Variants in IQGAP2 observed in about 807,000 individuals in gnomAD.
The protein encoded by IQGAP2 is IQ motif containing GTPase activating protein 2.
IQGAP2 carries 173 observed loss-of-function variants against 201.3 expected under a neutral mutation model. That is an observed-to-expected ratio of 0.86 (90% CI 0.76 to 0.98). The LOEUF (loss-of-function observed/expected upper bound fraction) is 0.98. IQGAP2 is among the 50% of genes least tolerant of loss of function. The probability of loss-of-function intolerance (pLI) is 0.00; values close to 1 mark genes in which losing one functional copy is unlikely to be tolerated. For missense variants in IQGAP2, 1,687 were observed against 1,864.8 expected, an observed-to-expected ratio of 0.90 and a Z score of 1.76; for synonymous variants, 675 against 673.9, an observed-to-expected ratio of 1.00 and a Z score of -0.03.
At position 76,665,321 on chromosome 5, in the gene IQGAP2, C is replaced by T; in HGVS notation, c.2679+146C>T. On this transcript the variant is annotated intron_variant, in intron 22 of 35. Transcript: ENST00000274364. ...TAAGTACCAAGTGCTGTTGTTGGTGCTTTACATACATTATCTCATTTAATT... is the reference window on the plus strand; with the variant it reads ...TAAGTACCAAGTGCTGTTGTTGGTGTTTTACATACATTATCTCATTTAATT... The T allele has an allele frequency of 4.4e-6, 3 of 676,382 alleles. No individual in the cohort carries two copies. In the East Asian group the frequency reaches 8.1e-5, roughly 18 times the overall value. 41.9% of individuals were successfully genotyped at this position (676,382 alleles called of 1,614,324 possible). A position where few individuals can be genotyped will look rare whatever the true frequency, so the allele number is the denominator to read the frequency against.
intron 12 of IQGAP2, among the ~76,000 whole-genome samples, chr5:76,609,674 A>G (rs1291828487): frequency 1.3e-5 from 2 of 152,174 alleles, no homozygotes; most frequent in Non-Finnish European, 2.9e-5. Flanking sequence ...TTTTAGATTA[A>G]ATCTAATGGA....
intron 17 of IQGAP2, among the ~76,000 whole-genome samples, chr5:76,652,285 A>G (rs1752577853): frequency 6.6e-6 from 1 of 152,346 alleles, no homozygotes; most frequent in Non-Finnish European, 1.5e-5. Context: ...TCAGGGCCAC[A>G]AGTTGGTAGA....
At chr5:76,470,358 A>G (rs890814592) in intron 2 of IQGAP2, among the ~76,000 whole-genome samples, 1 of 152,142 alleles carries the variant, frequency 6.6e-6, no homozygotes, top group African/African-American at 2.4e-5. Context: ...AGTTTTCCAC[A>G]AGGGGTTGAA....
intron 3 of IQGAP2, among the ~76,000 whole-genome samples, chr5:76,567,894 C>CAT (rs897162829): frequency 3.3e-5 from 5 of 151,552 alleles, no homozygotes; most frequent in African/African-American, 1.2e-4. Context: ...GGAAAAACAG[C>CAT]ATATACTTCC....
At chr5:76,562,189 C>T (rs1183947888) in intron 2 of IQGAP2, among the ~76,000 whole-genome samples, 1 of 152,178 alleles carries the variant, frequency 6.6e-6, no homozygotes, top group Non-Finnish European at 1.5e-5. Context: ...GAGCTCAGCG[C>T]TTCTGGGCTT....
At chr5:76,490,064 G>T (rs967060210) in intron 2 of IQGAP2, among the ~76,000 whole-genome samples, 2 of 152,198 alleles carry the variant, frequency 1.3e-5, no homozygotes, top group African/African-American at 4.8e-5. Flanking sequence ...GAGAGTGCCG[G>T]TTGGAAATAA....
At chr5:76,636,701 G>T (rs150196387) in intron 15 of IQGAP2, among the ~76,000 whole-genome samples, 78 of 152,328 alleles carry the variant, frequency 5.1e-4, no homozygotes, top group African/African-American at 1.9e-3. Flanking sequence ...TTGTCTACAT[G>T]TGTTGTTTGC....
chr5:76,584,786 C>G (rs1463675849), intron 5 of IQGAP2, among the ~76,000 whole-genome samples: 2 of 152,138 alleles, frequency 1.3e-5, no homozygotes, highest in Non-Finnish European at 2.9e-5. Context: ...GACCAACAAA[C>G]AGCAAGTCTC....
chr5:76,590,890 G>A (rs183500287), intron 8 of IQGAP2, among the ~76,000 whole-genome samples: 5 of 152,102 alleles, frequency 3.3e-5, no homozygotes, highest in African/African-American at 9.6e-5. Context: ...AGTTCAAAAC[G>A]AGCCTGCGCG....
rs1375584014 is a variant in IQGAP2 at position 76,646,801 on chromosome 5, A to G, written c.2094+5698A>G. ...CTTTTTCCATTTATTAATCTGTTCC[A>G]AACTGTACCATTATAATTTTATTCC... On this transcript the variant is annotated intron_variant, in intron 17 of 35. Transcript: ENST00000274364. Among the ~76,000 whole-genome samples the G allele has an allele frequency of 3.9e-5, 6 of 152,320 alleles. 1 individual carries two copies. Among genetic ancestry groups the G allele is most frequent in the African/African-American group, 1.4e-4 (6 of 41,570 alleles).
chr5:76,461,272 G>A (rs534254442), intron 1 of IQGAP2, among the ~76,000 whole-genome samples: 2 of 151,780 alleles, frequency 1.3e-5, no homozygotes, highest in African/African-American at 4.8e-5. Flanking sequence ...GGAGGCTGAG[G>A]TGAGAAGATT....
chr5:76,597,994 C>T (rs965763865), intron 10 of IQGAP2, among the ~76,000 whole-genome samples: 8 of 151,972 alleles, frequency 5.3e-5, no homozygotes, highest in African/African-American at 1.9e-4. Flanking sequence ...CAAATAAGAC[C>T]ATTAGCACCA....
intron 17 of IQGAP2, among the ~76,000 whole-genome samples, chr5:76,641,915 A>G (rs1751620614): frequency 6.6e-6 from 1 of 152,182 alleles, no homozygotes; most frequent in South Asian, 2.1e-4. Flanking sequence ...ACCTAACTGT[A>G]ATGTCCAAGG....
chr5:76,508,087 T>G (rs1757720867), intron 2 of IQGAP2, among the ~76,000 whole-genome samples: 1 of 151,154 alleles, frequency 6.6e-6, no homozygotes, highest in Non-Finnish European at 1.5e-5. Context: ...TCCCAGCACT[T>G]TGGGAGGCTG....
intron 1 of IQGAP2, among the ~76,000 whole-genome samples, chr5:76,430,576 T>C (rs1752311657): frequency 6.6e-6 from 1 of 152,198 alleles, no homozygotes. Context: ...GGAAGTCAGA[T>C]AACAGCATTT....
At chr5:76,497,630 C>T (rs1443533828) in intron 2 of IQGAP2, among the ~76,000 whole-genome samples, 1 of 152,178 alleles carries the variant, frequency 6.6e-6, no homozygotes, top group Non-Finnish European at 1.5e-5. Flanking sequence ...ACTGGGCTCC[C>T]CCTCCTTACA....
intron 2 of IQGAP2, among the ~76,000 whole-genome samples, chr5:76,542,236 C>T (rs1007726197): frequency 9.9e-5 from 15 of 152,252 alleles, no homozygotes; most frequent in Admixed American, 2.0e-4. Flanking sequence ...GTTGGGATTA[C>T]AGGCATGGGC....
intron 1 of IQGAP2, among the ~76,000 whole-genome samples, chr5:76,437,752 A>G (rs1752786878): frequency 6.6e-6 from 1 of 152,162 alleles, no homozygotes; most frequent in South Asian, 2.1e-4. Flanking sequence ...TATATTTACC[A>G]CATTTTCTTT....
rs533087156 is a variant in IQGAP2, at chr5:76,658,363, A to G, written c.2321-96A>G. 13 of 1,008,990 alleles carry G rather than the reference A, an allele frequency of 1.3e-5. No individual in the cohort carries two copies. In the African/African-American group the frequency reaches 1.6e-4, roughly 12 times the overall value. 62.5% of individuals were successfully genotyped at this position (1,008,990 alleles called of 1,614,324 possible). ...CCCTAGACCAAGTACTTTCATTGGT[A>G]TATTTTTCTAGTAATTATTTAAGAC... On this transcript the variant is annotated intron_variant, in intron 20 of 35. Transcript: ENST00000274364.
Sources: gnomAD v4.1 joint callset for allele counts (sites outside exome capture counted in the v4.1 genomes callset) on GRCh38, gnomAD v4.1.1 for gene constraint, MANE v1.5 for transcripts, NCBI Gene and HGNC (gene_info 2026-07-23, HGNC 2026-07-21) for gene names.